NMBR: variants seen among roughly 807,000 people sequenced by gnomAD.
The protein encoded by NMBR is neuromedin B receptor, also known as neuromedin-B receptor.
In NMBR, 16 loss-of-function variants were observed where a neutral mutation model predicts 20.5. The observed-to-expected ratio is 0.78, with a 90% confidence interval of 0.53 to 1.19. The LOEUF is 1.19. Among genes scored for constraint, NMBR ranks in the 50% most tolerant of loss-of-function variants. The pLI, the probability that NMBR is intolerant of heterozygous loss-of-function variation, is 0.00. For synonymous variants in NMBR, 212 were observed against 196.6 expected (o/e 1.08, Z -0.65); for missense variants, 582 against 499.1 (o/e 1.17, Z -1.58).
At chr6:142,085,924 C>T (rs1469203090) in intron 2 of NMBR, among the ~76,000 whole-genome samples, 1 of 151,310 alleles carries the variant, frequency 6.6e-6, no homozygotes, top group Non-Finnish European at 1.5e-5. Context: ...GCTGCAACTA[C>T]TACTTAAAAT....
chr6:142,092,217 G>A (rs4896575), intron 1 of NMBR, among the ~76,000 whole-genome samples: 94,080 of 151,780 alleles, frequency 0.62, 30,515 homozygotes, highest in East Asian at 0.84. Flanking sequence ...TGGAACTGGC[G>A]AAAGAACAGA....
intron 1 of NMBR, among the ~76,000 whole-genome samples, chr6:142,095,089 C>T (rs1777418715): frequency 6.6e-6 from 1 of 152,186 alleles, no homozygotes; most frequent in Middle Eastern, 3.4e-3. Context: ...ACAATCATGT[C>T]ATCTGCAAAC....
At position 142,077,174 on chromosome 6, in the gene NMBR, T is replaced by G. The variant is rs187950527; in HGVS notation, c.772-1125A>C. On this transcript the variant is annotated intron_variant, in intron 3 of 3. Transcript: ENST00000258042. ...GCAAGAATGTCACAGCAGTCTATAC[T>G]TGGAGATTCAAGTGCACAGGCAGGC... Among the ~76,000 whole-genome samples, 4 of 152,312 alleles carry G rather than the reference T, an allele frequency of 2.6e-5. No individual in the cohort carries two copies. In the South Asian group the frequency reaches 6.2e-4, roughly 24 times the overall value.
intron 1 of NMBR, among the ~76,000 whole-genome samples, chr6:142,128,485 T>A (rs1778079568): frequency 6.6e-6 from 1 of 152,102 alleles, no homozygotes; most frequent in Non-Finnish European, 1.5e-5. Context: ...TTCCATTGAT[T>A]ATGATGTTAG....
chr6:142,101,836 C>A (rs886645571), intron 1 of NMBR, among the ~76,000 whole-genome samples: 1 of 152,158 alleles, frequency 6.6e-6, no homozygotes, highest in Admixed American at 6.5e-5. Flanking sequence ...CTGGTCTCAG[C>A]ACGTCATTTA....
Position 142,075,767 on chromosome 6 carries a change from T to A in NMBR, c.1054A>T (p.Ser352Cys). 1 of 1,614,120 alleles carries A rather than the reference T, an allele frequency of 6.2e-7. No homozygotes were observed. The highest frequency in any genetic ancestry group is 8.5e-7 in the Non-Finnish European group (1 of 1,179,960). Residue 352 changes from serine (S) to cysteine (C), a missense_variant, in exon 4 of 4, where the codon AGC becomes TGC. Coordinates refer to ENST00000258042, the MANE Select transcript of NMBR (RefSeq NM_002511.4). Reference protein sequence around the residue: ...GRKSYQERGTSYLLSSSAVRM... With the variant: ...GRKSYQERGTCYLLSSSAVRM... ...ACCGCTGAAGAGCTGAGTAGGTAGC[T>A]GGTTCCTCTCTCTTGATAGGACTTC... is the stretch of plus-strand genomic sequence containing the variant.
chr6:142,123,974 A>G (rs1041093078), intron 1 of NMBR, among the ~76,000 whole-genome samples: 4 of 151,928 alleles, frequency 2.6e-5, no homozygotes, highest in African/African-American at 9.7e-5. Context: ...TAACACGGTA[A>G]CTATTCACAA....
intron 1 of NMBR, among the ~76,000 whole-genome samples, chr6:142,091,359 G>T (rs1284552942): frequency 1.3e-5 from 2 of 152,034 alleles, no homozygotes; most frequent in African/African-American, 2.4e-5. Flanking sequence ...ATGTAGCTGG[G>T]ACCGCAAGTG....
chr6:142,089,161 T>G lies in NMBR; in HGVS notation c.-503A>C, dbSNP rs1582840978. Reference sequence around the variant, plus strand: ...ACAGCTTTGCTCTTGTTTGTGAAGTTCCTGTTGTATTGTGTGGAACTGGAG... The same window carrying G: ...ACAGCTTTGCTCTTGTTTGTGAAGTGCCTGTTGTATTGTGTGGAACTGGAG... On this transcript the variant is annotated 5_prime_UTR_variant, in exon 2 of 4. Transcript: ENST00000258042. 1 of 164,702 alleles carries G rather than the reference T, an allele frequency of 6.1e-6. No individual in the cohort carries two copies. Among genetic ancestry groups the G allele is most frequent in the East Asian group, 1.6e-4 (1 of 6,102 alleles). 10.2% of individuals were successfully genotyped at this position (164,702 alleles called of 1,614,324 possible). A position where few individuals can be genotyped will look rare whatever the true frequency, so the allele number is the denominator to read the frequency against.
chr6:142,124,744 T>A (rs1264381735), intron 1 of NMBR, among the ~76,000 whole-genome samples: 3 of 151,786 alleles, frequency 2.0e-5, no homozygotes, highest in Non-Finnish European at 2.9e-5. Context: ...AGAAGGAAAA[T>A]AAGACCTTCA....
chr6:142,130,192 C>T (rs1582861254), intron 1 of NMBR, among the ~76,000 whole-genome samples: 1 of 152,098 alleles, frequency 6.6e-6, no homozygotes. Context: ...TTATTTCCCC[C>T]TCACTTACCC....
intron 1 of NMBR, among the ~76,000 whole-genome samples, chr6:142,124,678 T>C (rs1778001260): frequency 6.6e-6 from 1 of 151,896 alleles, no homozygotes; most frequent in Non-Finnish European, 1.5e-5. Context: ...GTTATATGTG[T>C]TATACAACTA....
chr6:142,141,198 T>C (rs1021322396), intron 1 of NMBR, among the ~76,000 whole-genome samples: 5 of 152,200 alleles, frequency 3.3e-5, no homozygotes, highest in Admixed American at 1.3e-4. Flanking sequence ...GTCTCAAGGA[T>C]AGAAATCATA....
At chr6:142,098,136 A>C (rs980547496) in intron 1 of NMBR, among the ~76,000 whole-genome samples, 2 of 152,150 alleles carry the variant, frequency 1.3e-5, no homozygotes, top group African/African-American at 4.8e-5. Flanking sequence ...TGAAGAAAAA[A>C]CAGCCCCAAT....
intron 1 of NMBR, among the ~76,000 whole-genome samples, chr6:142,098,883 T>A (rs9496269): frequency 0.092 from 14,004 of 152,140 alleles, 724 homozygotes; most frequent in Admixed American, 0.16. Context: ...GTTGGAAGAC[T>A]GACACTACCT....
chr6:142,118,046 AT>A (rs1251648295), intron 1 of NMBR, among the ~76,000 whole-genome samples: 1 of 151,946 alleles, frequency 6.6e-6, no homozygotes, highest in Non-Finnish European at 1.5e-5. Flanking sequence ...TGATTATTAG[AT>A]GTATATGTCC....
intron 2 of NMBR, among the ~76,000 whole-genome samples, chr6:142,080,216 A>T (rs191027431): frequency 2.0e-5 from 3 of 150,622 alleles, no homozygotes; most frequent in Admixed American, 6.6e-5. Flanking sequence ...TTCTGCTATC[A>T]TCTTTTGTTT....
chr6:142,081,013 AC>A (rs1227384480), intron 2 of NMBR, among the ~76,000 whole-genome samples: 1 of 152,260 alleles, frequency 6.6e-6, no homozygotes, highest in Non-Finnish European at 1.5e-5. Flanking sequence ...CTTATAAACA[AC>A]ATAAATTTGT....
chr6:142,096,896 T>C (rs1184732117), intron 1 of NMBR, among the ~76,000 whole-genome samples: 1 of 151,772 alleles, frequency 6.6e-6, no homozygotes, highest in Non-Finnish European at 1.5e-5. Flanking sequence ...TTAGCTCTTG[T>C]TGTTGAATTG....
Sources: allele counts gnomAD v4.1 joint callset (sites outside exome capture counted in the v4.1 genomes callset), GRCh38; gene constraint gnomAD v4.1.1; transcripts MANE v1.5; gene names NCBI Gene and HGNC (gene_info 2026-07-23, HGNC 2026-07-21).